The following PLEKHA1 variants were observed in gnomAD, a reference collection of about 807,000 sequenced individuals.
PLEKHA1 encodes the protein pleckstrin homology domain containing A1, also known as pleckstrin homology domain-containing family A member 1.
PLEKHA1 carries 34 observed loss-of-function variants against 52.0 expected under a neutral mutation model. The observed-to-expected ratio is 0.65, with a 90% CI of 0.50 to 0.87. The LOEUF is 0.87. PLEKHA1 is among the 40% of genes least tolerant of loss of function. The probability of loss-of-function intolerance (pLI) is 0.00; values close to 1 mark genes in which losing one functional copy is unlikely to be tolerated. For missense variants in PLEKHA1, 497 were observed against 504.2 expected (o/e 0.99, Z 0.14); for synonymous variants, 163 against 170.7 (o/e 0.95, Z 0.35).
intron 1 of PLEKHA1, among the ~76,000 whole-genome samples, chr10:122,392,822 T>C (rs1278032188): frequency 1.3e-5 from 2 of 152,196 alleles, no homozygotes; most frequent in East Asian, 3.8e-4. Context: ...TTTAAAAATA[T>C]TCTAAAATAA....
intron 1 of PLEKHA1, among the ~76,000 whole-genome samples, chr10:122,390,003 C>G (rs1434866746): frequency 2.0e-5 from 3 of 152,210 alleles, no homozygotes; most frequent in Admixed American, 1.3e-4. Flanking sequence ...CATTCAAAAT[C>G]TCTTTACTGT....
chr10:122,382,398 G>A (rs1294568127), intron 1 of PLEKHA1, among the ~76,000 whole-genome samples: 2 of 152,276 alleles, frequency 1.3e-5, no homozygotes, highest in African/African-American at 4.8e-5. Context: ...GAGAGAAGTG[G>A]TATCCATTAG....
In PLEKHA1 at chr10:122,429,819, C is replaced by T; in HGVS notation, c.1096C>T (p.Pro366Ser). ...FKVQTVSPRE[P>S]ASKVTEQALL... is the part of the protein sequence containing the mutation. ...GGTCCAGACTGTCTCTCCAAGAGAA[C>T]CAGCTTCCAAAGTGACTGAACAAGC... The change falls in exon 12 of 12, where the codon CCA (proline) becomes TCA (serine). Residue 366 changes from proline to serine, a missense_variant. Transcript: ENST00000368990. 1 of 1,614,154 alleles carries T rather than the reference C, an allele frequency of 6.2e-7. No individual in the cohort carries two copies. The highest frequency in any genetic ancestry group is 1.7e-5 in the Admixed American group (1 of 60,018).
At position 122,429,702 on chromosome 10, in the gene PLEKHA1, G is replaced by C. The variant is rs746458998; in HGVS notation, c.979G>C (p.Ala327Pro). 4 of 1,614,088 alleles carry C rather than the reference G, an allele frequency of 2.5e-6. No homozygotes were observed. The East Asian group carries it at 8.9e-5, about 36-fold the overall frequency. ...AGCCACCGCCACCTCACATTCCACA[G>C]CCTCTCGCAGCAACTCTTTGGTCTC... ...NAATATSHSTASRSNSLVSTF... is the reference protein window; with the variant it reads ...NAATATSHSTPSRSNSLVSTF... The change falls in exon 12 of 12, where the codon GCC becomes CCC. Residue 327 changes from alanine to proline, a missense_variant. By Grantham distance (27) the Ala-to-Pro change is conservative. Coordinates refer to ENST00000368990, the MANE Select transcript of PLEKHA1 (RefSeq NM_001001974.4).
intron 1 of PLEKHA1, among the ~76,000 whole-genome samples, chr10:122,384,464 C>T (rs868555480): frequency 6.6e-5 from 10 of 151,866 alleles, no homozygotes; most frequent in East Asian, 2.0e-4. Context: ...AAAAATTAGC[C>T]GGGTGAGGTG....
At chr10:122,418,786 G>GGAGA (rs2097216219) in intron 8 of PLEKHA1, 1 of 152,194 alleles carries the variant, frequency 6.6e-6, no homozygotes, top group African/African-American at 2.4e-5. Context: ...ATGCAATTCT[G>GGAGA]TAGTATAAAT....
rs376958947 is a variant in PLEKHA1, at chr10:122,415,962, C to A, written c.572C>A (p.Ala191Glu). 6.2e-7 allele frequency: 1 copy of A among 1,613,104 alleles called. No individual in the cohort carries two copies. The highest frequency in any genetic ancestry group is 8.5e-7 in the Non-Finnish European group (1 of 1,179,436). Residue 191 changes from alanine to glutamate, a missense_variant, in exon 7 of 12, where the codon GCG becomes GAG. Coordinates refer to ENST00000368990, the MANE Select transcript of PLEKHA1 (RefSeq NM_001001974.4). ...ACTCCTAAACCACCTCAAGATAGTGCGGTTATCAAAGCTGGATATTGTGTA... is the reference window on the plus strand; with the variant it reads ...ACTCCTAAACCACCTCAAGATAGTGAGGTTATCAAAGCTGGATATTGTGTA... ...YFTPKPPQDS[A>E]VIKAGYCVKQ... is the part of the protein sequence containing the mutation.
intron 4 of PLEKHA1, among the ~76,000 whole-genome samples, chr10:122,404,312 T>G (rs536526888): frequency 3.9e-5 from 6 of 152,242 alleles, no homozygotes; most frequent in Non-Finnish European, 8.8e-5. Flanking sequence ...GAGATTTTAT[T>G]CAGATTGCAA....
chr10:122,423,749 G>C (rs760367401), intron 8 of PLEKHA1: 2 of 157,310 alleles, frequency 1.3e-5, no homozygotes, highest in Non-Finnish European at 2.8e-5. Flanking sequence ...TCAGCACTTA[G>C]TAAACATTCA....
At chr10:122,383,313 GTT>G (rs58485855) in intron 1 of PLEKHA1, among the ~76,000 whole-genome samples, 1,817 of 128,378 alleles carry the variant, frequency 0.014, 17 homozygotes, top group African/African-American at 0.025. Flanking sequence ...CTTTCTTTCT[GTT>G]TTTTTTTTTT....
downstream of PLEKHA1, chr10:122,436,546 G>A (rs2097438279): frequency 6.6e-6 from 1 of 152,264 alleles, no homozygotes; most frequent in East Asian, 1.9e-4. Context: ...GCTTTGACCT[G>A]ATGGAGTTGG....
downstream of PLEKHA1, chr10:122,434,901 T>C (rs1379707780): frequency 6.6e-6 from 1 of 151,560 alleles, no homozygotes; most frequent in East Asian, 1.9e-4. Context: ...CATGAACTCA[T>C]CATTTTTTAT....
chr10:122,377,835 GTTGAA>G (rs893744196), intron 1 of PLEKHA1, among the ~76,000 whole-genome samples: 2 of 152,118 alleles, frequency 1.3e-5, no homozygotes, highest in African/African-American at 4.8e-5. Flanking sequence ...CTTTTAATTA[GTTGAA>G]TTGATAATAT....
At chr10:122,416,413 G>C (rs1019595538) in intron 7 of PLEKHA1, among the ~76,000 whole-genome samples, 3 of 152,206 alleles carry the variant, frequency 2.0e-5, no homozygotes, top group African/African-American at 7.2e-5. Flanking sequence ...CCTGACCTCC[G>C]TGGTAAGCTC....
intron 11 of PLEKHA1, among the ~76,000 whole-genome samples, chr10:122,427,764 T>G (rs2097361033): frequency 6.6e-6 from 1 of 152,216 alleles, no homozygotes; most frequent in South Asian, 2.1e-4. Flanking sequence ...GGTCTGAAAA[T>G]TTAAAGTATC....
At chr10:122,388,358 A>G (rs760008012) in intron 1 of PLEKHA1, among the ~76,000 whole-genome samples, 43 of 152,170 alleles carry the variant, frequency 2.8e-4, no homozygotes, top group Non-Finnish European at 6.3e-4. Context: ...TATGTCTGAA[A>G]AATATTCCAT....
chr10:122,417,990 G>A (rs764082337), intron 8 of PLEKHA1, 22 bp downstream of exon 8: 1 of 1,571,676 alleles, frequency 6.4e-7, no homozygotes, highest in Admixed American at 1.7e-5. Context: ...CGTCATAAAT[G>A]TTGCTATAAG....
intron 1 of PLEKHA1, among the ~76,000 whole-genome samples, chr10:122,392,123 G>T (rs2096784599): frequency 6.6e-6 from 1 of 152,164 alleles, no homozygotes; most frequent in Non-Finnish European, 1.5e-5. Flanking sequence ...TAGAGAAACA[G>T]TTCTTGGCAC....
chr10:122,401,443 G>A (rs1187852391), intron 4 of PLEKHA1, among the ~76,000 whole-genome samples: 1 of 152,056 alleles, frequency 6.6e-6, no homozygotes, highest in Non-Finnish European at 1.5e-5. Context: ...AATAGGAGAA[G>A]GAGGAAGGGT....
Sources: allele counts gnomAD v4.1 joint callset (sites outside exome capture counted in the v4.1 genomes callset), GRCh38; gene constraint gnomAD v4.1.1; transcripts MANE v1.5; gene names NCBI Gene and HGNC (gene_info 2026-07-23, HGNC 2026-07-21).